LARP6: variants seen among roughly 807,000 people sequenced by gnomAD.
The protein encoded by LARP6 is La ribonucleoprotein 6, translational regulator, also known as la-related protein 6.
In LARP6, 18 loss-of-function variants were observed where a neutral mutation model predicts 32.8. The ratio of observed to expected loss-of-function variants is 0.55; its 90% CI spans 0.38 to 0.81. The LOEUF is 0.81. Among genes scored for constraint, LARP6 ranks in the 40% least tolerant of loss-of-function variants. LARP6 has a pLI of 0.00. For missense variants in LARP6, 598 were observed against 663.1 expected (o/e 0.90, Z 1.08); for synonymous variants, 289 against 267.2 (o/e 1.08, Z -0.80).
chr15:70,852,440 C>A (rs1035988423), intron 1 of LARP6: 2 of 282,916 alleles, frequency 7.1e-6, no homozygotes, highest in Admixed American at 4.7e-5. Flanking sequence ...ATAAGTAGAG[C>A]TTTAATCCTG....
At chr15:70,843,107 C>T (rs1251797525) in intron 1 of LARP6, among the ~76,000 whole-genome samples, 1 of 152,146 alleles carries the variant, frequency 6.6e-6, no homozygotes, top group Non-Finnish European at 1.5e-5. Context: ...CAACCCACCC[C>T]CCAACTACTT....
intron 1 of LARP6, among the ~76,000 whole-genome samples, chr15:70,840,315 G>C (rs969755281): frequency 6.6e-6 from 1 of 152,262 alleles, no homozygotes; most frequent in Non-Finnish European, 1.5e-5. Flanking sequence ...TGAGGCAGGG[G>C]GATCACTTGA....
chr15:70,845,431 C>T (rs2032328184), intron 1 of LARP6, among the ~76,000 whole-genome samples: 1 of 152,166 alleles, frequency 6.6e-6, no homozygotes, highest in South Asian at 2.1e-4. Context: ...CATGATTAGA[C>T]TGGGATTATG....
Position 70,831,956 on chromosome 15 carries a change from A to T in LARP6, c.*96T>A. On this transcript the variant is annotated 3_prime_UTR_variant, in exon 3 of 3. Coordinates refer to ENST00000299213, the MANE Select transcript of LARP6 (RefSeq NM_018357.4). ...TCTACATGAATAAAAAATCTCTCAA[A>T]GGGGAACGAATTCCATTCTGTCATG... is the stretch of plus-strand genomic sequence containing the variant. 1.2e-6 allele frequency: 1 copy of T among 829,842 alleles called. No individual in the cohort carries two copies. The highest frequency in any genetic ancestry group is 1.9e-6 in the Non-Finnish European group (1 of 540,094). 51.4% of individuals were successfully genotyped at this position (829,842 alleles called of 1,614,324 possible). A position where few individuals can be genotyped will look rare whatever the true frequency, so the allele number is the denominator to read the frequency against.
intron 1 of LARP6, among the ~76,000 whole-genome samples, chr15:70,845,747 C>A (rs1166731367): frequency 6.6e-6 from 1 of 152,236 alleles, no homozygotes; most frequent in African/African-American, 2.4e-5. Context: ...GTTCCCTCTG[C>A]AGTTGCACAC....
rs2032017459 is a variant in LARP6 at position 70,830,329 on chromosome 15, A to T, written c.*1723T>A. The T allele has an allele frequency of 6.6e-6, 1 of 152,270 alleles. No homozygotes were observed. Among genetic ancestry groups the T allele is most frequent in the South Asian group, 2.1e-4 (1 of 4,834 alleles). 9.4% of individuals were successfully genotyped at this position (152,270 alleles called of 1,614,324 possible). A position where few individuals can be genotyped will look rare whatever the true frequency, so the allele number is the denominator to read the frequency against. ...TGGGATATTATTTTCCTACTTCAGC[A>T]GCTGCATGTGTGATACTGGCATAAT... On this transcript the variant is annotated 3_prime_UTR_variant, in exon 3 of 3. Transcript: ENST00000299213.
chr15:70,846,520 G>C (rs1166804849), intron 1 of LARP6, among the ~76,000 whole-genome samples: 1 of 152,002 alleles, frequency 6.6e-6, no homozygotes, highest in Non-Finnish European at 1.5e-5. Flanking sequence ...GAGGTGGGAG[G>C]ATTGCTTGAG....
intron 1 of LARP6, among the ~76,000 whole-genome samples, chr15:70,838,565 C>T (rs2032190648): frequency 6.6e-6 from 1 of 152,166 alleles, no homozygotes; most frequent in Non-Finnish European, 1.5e-5. Flanking sequence ...ACCAGCAGCA[C>T]CACCTGGGTA....
intron 1 of LARP6, among the ~76,000 whole-genome samples, chr15:70,846,706 C>G (rs1227509663): frequency 6.6e-6 from 1 of 152,060 alleles, no homozygotes; most frequent in Non-Finnish European, 1.5e-5. Context: ...CATTTAGAAT[C>G]TGGCTGTAAC....
chr15:70,853,852 C>G, intron 1 of LARP6, 37 bp downstream of exon 1: 1 of 1,226,974 alleles, frequency 8.2e-7, no homozygotes, highest in Non-Finnish European at 1.0e-6. Context: ...CCGGCGCCCC[C>G]TCGGGGCCCA....
rs1274890086 is a variant in LARP6 at position 70,853,869 on chromosome 15, G to C, written c.200+20C>G. 5.6e-6 allele frequency: 7 copies of C among 1,258,754 alleles called. No homozygotes were observed. Among genetic ancestry groups the C allele is most frequent in the Non-Finnish European group, 5.0e-6 (5 of 1,002,730 alleles). 78.0% of individuals were successfully genotyped at this position (1,258,754 alleles called of 1,614,324 possible). A position where few individuals can be genotyped will look rare whatever the true frequency, so the allele number is the denominator to read the frequency against. ...GGCGCCCCCTCGGGGCCCACCTCCC[G>C]GGCCAGCCGCCGCGCCTACCTGTGC... On this transcript the variant is annotated intron_variant, in intron 1 of 2. Coordinates refer to ENST00000299213, the MANE Select transcript of LARP6 (RefSeq NM_018357.4).
intron 1 of LARP6, among the ~76,000 whole-genome samples, chr15:70,850,187 TAAC>T (rs1351453857): frequency 6.6e-6 from 1 of 152,086 alleles, no homozygotes; most frequent in African/African-American, 2.4e-5. Flanking sequence ...AACAGACCAA[TAAC>T]AAGTAAGGAG....
Position 70,831,994 on chromosome 15 carries a change from C to A in LARP6, c.*58G>T. 7.9e-7 allele frequency: 1 copy of A among 1,264,192 alleles called. No homozygotes were observed. The highest frequency in any genetic ancestry group is 1.1e-6 in the Non-Finnish European group (1 of 927,174). 78.3% of individuals were successfully genotyped at this position (1,264,192 alleles called of 1,614,324 possible). A position where few individuals can be genotyped will look rare whatever the true frequency, so the allele number is the denominator to read the frequency against. On this transcript the variant is annotated 3_prime_UTR_variant, in exon 3 of 3. Coordinates refer to ENST00000299213, the MANE Select transcript of LARP6 (RefSeq NM_018357.4). Reference sequence around the variant, plus strand: ...CCATTCTGTCATGCCAGGTGTTTGTCAGAACCTTGAAAACGAAGGTGGTTT... The same window carrying A: ...CCATTCTGTCATGCCAGGTGTTTGTAAGAACCTTGAAAACGAAGGTGGTTT...
intron 1 of LARP6, among the ~76,000 whole-genome samples, chr15:70,847,267 G>A (rs1169873012): frequency 6.6e-6 from 1 of 152,134 alleles, no homozygotes; most frequent in Non-Finnish European, 1.5e-5. Context: ...TTGTAAACTG[G>A]GAGTGATGAG....
At chr15:70,841,334 G>C (rs555121501) in intron 1 of LARP6, among the ~76,000 whole-genome samples, 35 of 152,312 alleles carry the variant, frequency 2.3e-4, no homozygotes, top group African/African-American at 8.4e-4. Context: ...GGAGAGGATA[G>C]AGTTCATCCA....
Position 70,832,323 on chromosome 15 carries a change from C to T in LARP6, c.1205G>A (p.Gly402Asp), listed in dbSNP as rs1187805008. The T allele has an allele frequency of 2.3e-5, 37 of 1,614,234 alleles. No homozygotes were observed. The highest frequency in any genetic ancestry group is 2.9e-5 in the Non-Finnish European group (34 of 1,180,040). The change falls in exon 3 of 3, where the codon GGT (glycine) becomes GAT (aspartate). Residue 402 changes from glycine (G) to aspartate (D), a missense_variant. Physicochemically the swap from Gly to Asp is moderately conservative, Grantham distance 94. Transcript: ENST00000299213. The part of the protein sequence containing the change: ...VSRKSPLAEE[G>D]RLNCSTSPEI... ...AGGGCTGGTGCTGCAGTTCAGTCTA[C>T]CTTCCTCCGCCAGTGGGGACTTTCT...
intron 1 of LARP6, chr15:70,851,665 C>T: frequency 6.2e-7 from 1 of 1,614,054 alleles, no homozygotes; most frequent in South Asian, 1.1e-5. Flanking sequence ...GTGCTAGGTG[C>T]TGAAGATACA....
chr15:70,850,347 A>T (rs1179436122), intron 1 of LARP6, among the ~76,000 whole-genome samples: 4 of 152,238 alleles, frequency 2.6e-5, no homozygotes, highest in African/African-American at 9.6e-5. Flanking sequence ...GAATGCTTCC[A>T]AACTCATTTC....
chr15:70,832,480 T>A lies in LARP6; in HGVS notation c.1048A>T (p.Met350Leu), dbSNP rs376173501. ...SDPESNPTSP[M>L]AGRRHAATNK... ...GTGGCCGCGTGCCGTCGGCCCGCCA[T>A]AGGGGATGTGGGGTTGCTCTCGGGG... Residue 350 changes from methionine (M) to leucine (L), a missense_variant, in exon 3 of 3, where the codon ATG becomes TTG. Met to Leu is a conservative substitution (Grantham distance 15). Transcript: ENST00000299213. 1.9e-6 allele frequency: 3 copies of A among 1,550,064 alleles called. No homozygotes were observed. In the African/African-American group the frequency reaches 4.1e-5, roughly 21 times the overall value.
Sources: allele counts gnomAD v4.1 joint callset (sites outside exome capture counted in the v4.1 genomes callset), GRCh38; gene constraint gnomAD v4.1.1; transcripts MANE v1.5; gene names NCBI Gene and HGNC (gene_info 2026-07-23, HGNC 2026-07-21).